The following PPP1R12B variants were observed in gnomAD, a reference collection of about 807,000 sequenced individuals.
PPP1R12B encodes the protein protein phosphatase 1 regulatory subunit 12B, also known as myosin phosphatase target subunit 2.
PPP1R12B carries 76 observed loss-of-function variants against 126.1 expected under a neutral mutation model. The ratio of observed to expected loss-of-function variants is 0.60; its 90% CI spans 0.50 to 0.73. PPP1R12B has a LOEUF of 0.73. Among genes scored for constraint, PPP1R12B ranks in the 30% least tolerant of loss-of-function variants. The pLI is 0.00. For missense variants in PPP1R12B, 1,052 were observed against 1,205.1 expected (o/e 0.87, Z 1.88); for synonymous variants, 356 against 434.7 (o/e 0.82, Z 2.25).
At chr1:202,548,671 C>T (rs1054324511) in intron 18 of PPP1R12B, among the ~76,000 whole-genome samples, 2 of 151,470 alleles carry the variant, frequency 1.3e-5, no homozygotes, top group Non-Finnish European at 2.9e-5. Flanking sequence ...GTGGTGCATG[C>T]CTGTAGTCCC....
rs397718932 is a variant in PPP1R12B at position 202,373,663 on chromosome 1, G to GTT, written c.291+24530_291+24531dup. ...AATAATTGTGACAGAAGATATCTTT[G>GTT]TTTTTTTTTTCCTTTAACGAGAATG... On this transcript the variant is annotated intron_variant, in intron 1 of 23. Transcript: ENST00000608999. 2.4e-4 allele frequency among the ~76,000 whole-genome samples: 35 copies of GTT among 148,136 alleles called. 1 individual carries two copies. Among genetic ancestry groups the GTT allele is most frequent in the South Asian group, 1.9e-3 (9 of 4,724 alleles).
chr1:202,532,860 CTTTTTTTTTT>C (rs375983770), intron 18 of PPP1R12B, among the ~76,000 whole-genome samples: 6 of 93,814 alleles, frequency 6.4e-5, no homozygotes, highest in African/African-American at 2.7e-4. Flanking sequence ...ATCACATTCA[CTTTTTTTTTT>C]TTTTTTTTTT....
At chr1:202,539,414 A>T (rs1435932069) in intron 18 of PPP1R12B, among the ~76,000 whole-genome samples, 1 of 152,204 alleles carries the variant, frequency 6.6e-6, no homozygotes, top group Non-Finnish European at 1.5e-5. Flanking sequence ...AATGTCAGAA[A>T]ATAGAAGAGG....
intron 18 of PPP1R12B, among the ~76,000 whole-genome samples, chr1:202,497,495 G>A (rs1679704654): frequency 6.6e-6 from 1 of 152,180 alleles, no homozygotes; most frequent in African/African-American, 2.4e-5. Context: ...GTAAAAAGAT[G>A]ACCTTTTGTA....
At chr1:202,463,067 A>G in intron 13 of PPP1R12B, 1 of 985,202 alleles carries the variant, frequency 1.0e-6, no homozygotes, top group Non-Finnish European at 1.2e-6. Context: ...GACATCAGCA[A>G]GTGCTGGGCC....
chr1:202,376,208 C>A (rs776772362), intron 1 of PPP1R12B, among the ~76,000 whole-genome samples: 1 of 151,954 alleles, frequency 6.6e-6, no homozygotes, highest in African/African-American at 2.4e-5. Context: ...CTTAATAATT[C>A]TTGTTTTAGG....
At chr1:202,540,267 T>A in intron 18 of PPP1R12B, 1 of 1,513,138 alleles carries the variant, frequency 6.6e-7, no homozygotes, top group Non-Finnish European at 9.1e-7. Context: ...TATTTACGTA[T>A]GTTCATAGCT....
Position 202,544,466 on chromosome 1 carries a change from G to T in PPP1R12B, c.2491-14411G>T, listed in dbSNP as rs1685451870. On this transcript the variant is annotated intron_variant, in intron 18 of 23. Transcript: ENST00000608999. ...TAATTTAAAAATTTTTCAATGCAGG[G>T]TATATTTAAAGGAAACAAATACTAG... 5.3e-5 allele frequency among the ~76,000 whole-genome samples: 8 copies of T among 152,190 alleles called. No homozygotes were observed. The South Asian group carries it at 1.7e-3, about 32-fold the overall frequency.
At chr1:202,561,146 T>G (rs780444737) in intron 19 of PPP1R12B, among the ~76,000 whole-genome samples, 1 of 151,122 alleles carries the variant, frequency 6.6e-6, no homozygotes, top group South Asian at 2.1e-4. Flanking sequence ...AAAAGAAAAA[T>G]AACCAAAGAT....
rs146171470 is a variant in PPP1R12B, at chr1:202,427,097, C to G, written c.759C>G (p.Pro253=). ...TTCAGGATTATGATGGCTGGACTCC[C>G]CTCCATGCTGCTGCACACTGGGGAG... ...LNVQDYDGWT[P]LHAAAHWGVK... Residue 253 remains proline, a synonymous_variant, in exon 5 of 24, where the codon CCC becomes CCG. Transcript: ENST00000608999. 6.8e-6 allele frequency: 11 copies of G among 1,613,968 alleles called. No individual in the cohort carries two copies. The highest frequency in any genetic ancestry group is 8.5e-6 in the Non-Finnish European group (10 of 1,180,032).
At position 202,425,625 on chromosome 1, in the gene PPP1R12B, C is replaced by T; in HGVS notation, c.601C>T (p.Gln201Ter). Residue 201 changes from glutamine (Q) to a stop codon, truncating the protein, a stop_gained, in exon 4 of 24, where the codon CAG becomes TAG. Coordinates refer to ENST00000608999, the MANE Select transcript of PPP1R12B (RefSeq NM_002481.4). LOFTEE classifies it high-confidence loss of function. Reference protein sequence around the residue: ...EEQQMLQDARQWLNSGKIEDV... With the variant: ...EEQQMLQDAR The stretch of plus-strand genomic sequence containing the variant: ...GCAGCAGATGTTGCAGGATGCCCGC[C>T]AGTGGCTCAACAGTGGGAAAATAGA... 6.2e-7 allele frequency: 1 copy of T among 1,613,968 alleles called. No individual in the cohort carries two copies. The highest frequency in any genetic ancestry group is 1.1e-5 in the South Asian group (1 of 91,074).
Position 202,367,429 on chromosome 1 carries a change from T to C in PPP1R12B, c.291+18287T>C, listed in dbSNP as rs150921893. On this transcript the variant is annotated intron_variant, in intron 1 of 23. Coordinates refer to ENST00000608999, the MANE Select transcript of PPP1R12B (RefSeq NM_002481.4). ...GAGGATAAAAATCTTTAGTGAGTCT[T>C]ACCGTGACCTACCAGACACTGTATC... Among the ~76,000 whole-genome samples, 814 of 152,304 alleles carry C rather than the reference T, an allele frequency of 5.3e-3. 1 individual carries two copies. The highest frequency in any genetic ancestry group is 8.8e-3 in the Non-Finnish European group (597 of 68,038).
chr1:202,546,113 G>A (rs1685628626), intron 18 of PPP1R12B, among the ~76,000 whole-genome samples: 1 of 152,240 alleles, frequency 6.6e-6, no homozygotes, highest in African/African-American at 2.4e-5. Context: ...ACTGGCCTTT[G>A]ATTGCAGTAT....
chr1:202,511,642 AT>A (rs1416942740), intron 18 of PPP1R12B, among the ~76,000 whole-genome samples: 1 of 151,926 alleles, frequency 6.6e-6, no homozygotes, highest in Non-Finnish European at 1.5e-5. Flanking sequence ...AACATACGAT[AT>A]TTGGTTTTCC....
intron 18 of PPP1R12B, among the ~76,000 whole-genome samples, chr1:202,510,113 C>T (rs1681264858): frequency 6.6e-6 from 1 of 152,188 alleles, no homozygotes; most frequent in African/African-American, 2.4e-5. Context: ...TCTCTTAGAT[C>T]ACTGGTGACC....
intron 18 of PPP1R12B, among the ~76,000 whole-genome samples, chr1:202,549,513 G>A (rs765188903): frequency 1.3e-5 from 2 of 150,670 alleles, no homozygotes; most frequent in Non-Finnish European, 2.9e-5. Flanking sequence ...TCTGCCTTCC[G>A]GATTCATGCC....
At chr1:202,493,644 G>A (rs1235744261) in intron 15 of PPP1R12B, among the ~76,000 whole-genome samples, 3 of 152,140 alleles carry the variant, frequency 2.0e-5, no homozygotes, top group African/African-American at 4.8e-5. Flanking sequence ...CTTACTTTAT[G>A]CCAGGCACTA....
At chr1:202,366,584 T>C (rs1435773300) in intron 1 of PPP1R12B, among the ~76,000 whole-genome samples, 8 of 149,946 alleles carry the variant, frequency 5.3e-5, no homozygotes, top group Admixed American at 5.3e-4. Context: ...CAAAATACAT[T>C]AAAAATCAGA....
In PPP1R12B at chr1:202,525,716, A is replaced by T. The variant is rs567894412; in HGVS notation, c.2490+28894A>T. ...AGAAAAGGATGTTTTTTGTTTTGAG[A>T]TGGAGTCTTGCTCTGTTGCCCAGGC... On this transcript the variant is annotated intron_variant, in intron 18 of 23. Transcript: ENST00000608999. 2.6e-3 allele frequency among the ~76,000 whole-genome samples: 382 copies of T among 149,428 alleles called. 7 individuals carry two copies. The highest frequency in any genetic ancestry group is 4.6e-4 in the Non-Finnish European group (31 of 67,696).
Sources: allele counts gnomAD v4.1 joint callset (sites outside exome capture counted in the v4.1 genomes callset), GRCh38; gene constraint gnomAD v4.1.1; transcripts MANE v1.5; gene names NCBI Gene and HGNC (gene_info 2026-07-23, HGNC 2026-07-21).